Variants in COX10 observed in about 807,000 individuals in gnomAD.
COX10 encodes the protein protoheme IX farnesyltransferase, mitochondrial.
In COX10, 27 loss-of-function variants were observed where a neutral mutation model predicts 37.3. The ratio of observed to expected loss-of-function variants is 0.72; its 90% CI spans 0.53 to 1.00. COX10 has a LOEUF of 1.00. Among genes scored for constraint, COX10 ranks in the 50% least tolerant of loss-of-function variants. The pLI is 0.00. For missense variants in COX10, 475 were observed against 563.2 expected, an observed-to-expected ratio of 0.84 and a Z score of 1.59; for synonymous variants, 222 against 229.1, an observed-to-expected ratio of 0.97 and a Z score of 0.28.
At chr17:14,117,628 G>C (rs1452170188) in intron 4 of COX10, among the ~76,000 whole-genome samples, 1 of 152,184 alleles carries the variant, frequency 6.6e-6, no homozygotes, top group Non-Finnish European at 1.5e-5. Flanking sequence ...ATGCAGACAG[G>C]CAGGTGTAGA....
At chr17:14,118,207 A>G (rs1916154993) in intron 4 of COX10, among the ~76,000 whole-genome samples, 1 of 152,038 alleles carries the variant, frequency 6.6e-6, no homozygotes, top group African/African-American at 2.4e-5. Flanking sequence ...GGGGTGTGAA[A>G]ACATAAATGC....
At chr17:14,144,299 C>T (rs1005191550) in intron 4 of COX10, among the ~76,000 whole-genome samples, 4 of 152,002 alleles carry the variant, frequency 2.6e-5, no homozygotes, top group Admixed American at 1.3e-4. Flanking sequence ...ATGGCATTTT[C>T]GACTCTGTAG....
intron 4 of COX10, among the ~76,000 whole-genome samples, chr17:14,149,103 A>G (rs1364480993): frequency 6.6e-6 from 1 of 151,282 alleles, no homozygotes; most frequent in African/African-American, 2.4e-5. Flanking sequence ...TGTCTAATAG[A>G]TATTTATCCA....
intron 4 of COX10, among the ~76,000 whole-genome samples, chr17:14,107,670 T>TACAC (rs57092278): frequency 2.3e-4 from 35 of 149,728 alleles, no homozygotes; most frequent in East Asian, 7.9e-4. Context: ...TGTACTGTTT[T>TACAC]ACACACACAC....
chr17:14,073,121 A>C (rs1405145755), intron 1 of COX10, among the ~76,000 whole-genome samples: 1 of 152,170 alleles, frequency 6.6e-6, no homozygotes, highest in Non-Finnish European at 1.5e-5. Flanking sequence ...ATATGTATTT[A>C]GTAATATGTA....
At chr17:14,133,245 A>G (rs1916505475) in intron 4 of COX10, among the ~76,000 whole-genome samples, 1 of 151,732 alleles carries the variant, frequency 6.6e-6, no homozygotes. Context: ...ACATCTAAAC[A>G]TGAAAATTGT....
At chr17:14,108,845 T>C (rs1915953480) in intron 4 of COX10, among the ~76,000 whole-genome samples, 1 of 152,164 alleles carries the variant, frequency 6.6e-6, no homozygotes, top group Admixed American at 6.5e-5. Flanking sequence ...TCCTTTTCTC[T>C]GATGTTTCTT....
intron 6 of COX10, among the ~76,000 whole-genome samples, chr17:14,205,909 G>A (rs1892963491): frequency 6.6e-6 from 1 of 152,162 alleles, no homozygotes; most frequent in African/African-American, 2.4e-5. Flanking sequence ...TGGGTGCTGG[G>A]GAGACTGTTC....
At chr17:14,094,811 A>G (rs1915607571) in intron 3 of COX10, among the ~76,000 whole-genome samples, 1 of 152,248 alleles carries the variant, frequency 6.6e-6, no homozygotes, top group South Asian at 2.1e-4. Context: ...CTGCTTATTA[A>G]GCCCTTATTA....
chr17:14,193,698 C>G (rs1906280263), intron 6 of COX10, among the ~76,000 whole-genome samples: 1 of 147,730 alleles, frequency 6.8e-6, no homozygotes. Context: ...CTTCACAGAG[C>G]ACACCTGCAC....
chr17:14,196,993 C>A (rs1350665547), intron 6 of COX10, among the ~76,000 whole-genome samples: 2 of 152,156 alleles, frequency 1.3e-5, no homozygotes, highest in Non-Finnish European at 2.9e-5. Flanking sequence ...ATACCCAGCA[C>A]CAACCCTTTA....
rs556123178 is a variant in COX10, at chr17:14,142,682, A to G, written c.625-17195A>G. Among the ~76,000 whole-genome samples the G allele has an allele frequency of 6.6e-5, 10 of 152,322 alleles. No homozygotes were observed. The East Asian group carries it at 1.9e-3, about 29-fold the overall frequency. On this transcript the variant is annotated intron_variant, in intron 4 of 6. Transcript: ENST00000261643. ...TCTTAATAATTTGGAATTTCTATCT[A>G]TGTATAGAAAAGCAAACATTTCTTC...
chr17:14,153,975 G>T (rs1389936376), intron 4 of COX10, among the ~76,000 whole-genome samples: 1 of 152,170 alleles, frequency 6.6e-6, no homozygotes, highest in Non-Finnish European at 1.5e-5. Context: ...GAAACCCTCT[G>T]CAAGATGATG....
chr17:14,131,849 A>G (rs979681995), intron 4 of COX10, among the ~76,000 whole-genome samples: 1 of 151,966 alleles, frequency 6.6e-6, no homozygotes, highest in African/African-American at 2.4e-5. Flanking sequence ...GGAGATTCTG[A>G]AGCCTAAATC....
chr17:14,144,362 T>G (rs1177166162), intron 4 of COX10, among the ~76,000 whole-genome samples: 1 of 152,180 alleles, frequency 6.6e-6, no homozygotes, highest in Non-Finnish European at 1.5e-5. Context: ...ATTTTCTCCT[T>G]GTTAATGTTG....
intron 1 of COX10, among the ~76,000 whole-genome samples, chr17:14,070,003 T>C (rs561920829): frequency 6.6e-6 from 1 of 152,364 alleles, no homozygotes; most frequent in East Asian, 1.9e-4. Context: ...TTCTAGCCAC[T>C]GGCTTGCAAT....
At chr17:14,117,903 G>A (rs1567595063) in intron 4 of COX10, among the ~76,000 whole-genome samples, 2 of 152,140 alleles carry the variant, frequency 1.3e-5, no homozygotes, top group African/African-American at 4.8e-5. Flanking sequence ...ATTGGGTGGT[G>A]GAGGTAGCTG....
intron 5 of COX10, among the ~76,000 whole-genome samples, chr17:14,166,624 T>C (rs954701732): frequency 7.4e-6 from 1 of 134,268 alleles, no homozygotes; most frequent in African/African-American, 2.6e-5. Flanking sequence ...TTTTTTTTTT[T>C]TTTTTTTTTG....
intron 4 of COX10, among the ~76,000 whole-genome samples, chr17:14,129,428 C>G (rs1188770406): frequency 6.6e-6 from 1 of 152,156 alleles, no homozygotes; most frequent in Non-Finnish European, 1.5e-5. Context: ...TTTGTCCTCC[C>G]TAAACTCCCT....
Sources: allele counts gnomAD v4.1 joint callset (sites outside exome capture counted in the v4.1 genomes callset), GRCh38; gene constraint gnomAD v4.1.1; transcripts MANE v1.5; gene names NCBI Gene and HGNC (gene_info 2026-07-23, HGNC 2026-07-21).